AFAP1: variants seen among roughly 807,000 people sequenced by gnomAD.
AFAP1 encodes actin filament-associated protein 1.
A neutral mutation model predicts 93.9 loss-of-function variants in AFAP1; 75 were observed. The ratio of observed to expected loss-of-function variants is 0.80; its 90% CI spans 0.66 to 0.97. The LOEUF (loss-of-function observed/expected upper bound fraction) is 0.97, where lower values mean the gene tolerates loss of function less well. Among genes scored for constraint, AFAP1 ranks in the 50% least tolerant of loss-of-function variants. AFAP1 has a pLI of 0.00. For synonymous variants in AFAP1, 517 were observed against 430.7 expected (o/e 1.20, Z -2.48); for missense variants, 1,201 against 1,050.8 (o/e 1.14, Z -1.98).
At chr4:7,911,482 TCA>T (rs1260401375) in intron 1 of AFAP1, among the ~76,000 whole-genome samples, 12 of 152,224 alleles carry the variant, frequency 7.9e-5, no homozygotes, top group Non-Finnish European at 1.8e-4. Context: ...GAGCCGCTAT[TCA>T]CACAGCTCCA....
chr4:7,764,768 C>T (rs1465934473), intron 17 of AFAP1, among the ~76,000 whole-genome samples: 1 of 152,088 alleles, frequency 6.6e-6, no homozygotes, highest in Non-Finnish European at 1.5e-5. Context: ...TATGTCTGGT[C>T]TGACAACAGC....
chr4:7,780,658 TAA>T lies in AFAP1; in HGVS notation c.1782+716_1782+717del, dbSNP rs201663689. Among the ~76,000 whole-genome samples, 878 of 151,218 alleles carry T rather than the reference TAA, an allele frequency of 5.8e-3. 5 individuals carry two copies. The highest frequency in any genetic ancestry group is 0.01 in the Middle Eastern group (3 of 288). ...GAGACTTCATCTTTTTTTTTTTTTT[TAA>T]AAAGGCCTAACACCACAAAATTACT... On this transcript the variant is annotated intron_variant, in intron 13 of 17. Transcript: ENST00000420658.
intron 3 of AFAP1, among the ~76,000 whole-genome samples, chr4:7,866,438 C>T (rs1277206960): frequency 1.3e-5 from 2 of 152,186 alleles, no homozygotes; most frequent in Non-Finnish European, 2.9e-5. Flanking sequence ...TCAGGCGATC[C>T]ACCCGCCTCA....
chr4:7,930,070 C>A (rs573780326), intron 1 of AFAP1, among the ~76,000 whole-genome samples: 1 of 152,126 alleles, frequency 6.6e-6, no homozygotes, highest in Non-Finnish European at 1.5e-5. Flanking sequence ...ATTTTGTCAC[C>A]GGCAAAATGA....
At chr4:7,919,873 C>A (rs1177216604) in intron 1 of AFAP1, among the ~76,000 whole-genome samples, 1 of 152,046 alleles carries the variant, frequency 6.6e-6, no homozygotes, top group African/African-American at 2.4e-5. Flanking sequence ...TCAGCTCCCA[C>A]TTATAAGTAA....
intron 14 of AFAP1, chr4:7,777,595 G>A (rs1240336296): frequency 1.3e-5 from 2 of 152,174 alleles, no homozygotes; most frequent in South Asian, 2.1e-4. Context: ...TACCACCTGG[G>A]GCTAGCTGGC....
chr4:7,792,360 A>G (rs762367809), intron 11 of AFAP1, among the ~76,000 whole-genome samples: 1 of 152,172 alleles, frequency 6.6e-6, no homozygotes, highest in Non-Finnish European at 1.5e-5. Context: ...AAAACTGCTC[A>G]CTGACATGAC....
intron 6 of AFAP1, among the ~76,000 whole-genome samples, chr4:7,827,582 A>AAAAAAAAAAAAAAAC: frequency 6.7e-6 from 1 of 149,092 alleles, no homozygotes; most frequent in Non-Finnish European, 1.5e-5. Flanking sequence ...AAAAAAAAAA[A>AAAAAAAAAAAAAAAC]AAAAAAAAGG....
rs57050150 is a variant in AFAP1 at position 7,842,301 on chromosome 4, CAAAAAAA to C, written c.546+831_546+837del. On this transcript the variant is annotated intron_variant, in intron 5 of 17. Coordinates refer to ENST00000420658, the MANE Select transcript of AFAP1 (RefSeq NM_001134647.2). Reference sequence around the variant, plus strand: ...AATTCAAAGATGAAACCTGGATTTACAAAAAAAAAAAAAAAAAAAAAGATAAAAAAAG... The same window carrying C: ...AATTCAAAGATGAAACCTGGATTTACAAAAAAAAAAAAAAGATAAAAAAAG... Among the ~76,000 whole-genome samples the C allele has an allele frequency of 6.7e-4, 64 of 94,862 alleles. No homozygotes were observed. The South Asian group carries it at 0.013, about 19-fold the overall frequency. 62.2% of individuals were successfully genotyped at this position (94,862 alleles called of 152,430 possible).
intron 1 of AFAP1, among the ~76,000 whole-genome samples, chr4:7,893,327 T>C (rs570656071): frequency 6.6e-6 from 1 of 152,310 alleles, no homozygotes; most frequent in East Asian, 1.9e-4. Context: ...ACGCCTGTAA[T>C]CCCAACACTT....
rs140824807 is a variant in AFAP1 at position 7,762,414 on chromosome 4, C to A, written c.*1351G>T. ...GGACTGGTCTCCATGAATCTGCCTG[C>A]GGAGGCGTTCAGGGGTGACTTATTT... On this transcript the variant is annotated 3_prime_UTR_variant, in exon 18 of 18. Transcript: ENST00000420658. 6.6e-6 allele frequency: 1 copy of A among 152,328 alleles called. No individual in the cohort carries two copies. Among genetic ancestry groups the A allele is most frequent in the East Asian group, 1.9e-4 (1 of 5,184 alleles). 9.4% of individuals were successfully genotyped at this position (152,328 alleles called of 1,614,324 possible). A position where few individuals can be genotyped will look rare whatever the true frequency, so the allele number is the denominator to read the frequency against.
chr4:7,873,813 G>A (rs1388730181), intron 1 of AFAP1, among the ~76,000 whole-genome samples: 1 of 152,186 alleles, frequency 6.6e-6, no homozygotes, highest in Non-Finnish European at 1.5e-5. Context: ...TTACTGGAGA[G>A]AGTGAATGAC....
chr4:7,786,469 T>C (rs1389708639), intron 11 of AFAP1, among the ~76,000 whole-genome samples, 158 bp from the exon 12 acceptor site: 1 of 152,200 alleles, frequency 6.6e-6, no homozygotes, highest in East Asian at 1.9e-4. Flanking sequence ...AATGAGATGA[T>C]GCGCTGGAGG....
At chr4:7,801,517 G>T (rs1719027784) in intron 9 of AFAP1, among the ~76,000 whole-genome samples, 1 of 151,720 alleles carries the variant, frequency 6.6e-6, no homozygotes, top group South Asian at 2.1e-4. Flanking sequence ...GAAATAACAA[G>T]ACATGAAAAA....
intron 1 of AFAP1, among the ~76,000 whole-genome samples, chr4:7,917,660 C>T (rs1560235419): frequency 6.6e-6 from 1 of 152,196 alleles, no homozygotes; most frequent in Non-Finnish European, 1.5e-5. Context: ...CCTCTCACTA[C>T]AACTCAACAC....
intron 3 of AFAP1, among the ~76,000 whole-genome samples, chr4:7,863,306 C>A (rs1715960580): frequency 6.6e-6 from 1 of 152,072 alleles, no homozygotes; most frequent in Admixed American, 6.5e-5. Flanking sequence ...GTAGTCTCAG[C>A]TACTTGGGAG....
At chr4:7,935,363 C>T (rs1278788217) in intron 1 of AFAP1, among the ~76,000 whole-genome samples, 1 of 152,134 alleles carries the variant, frequency 6.6e-6, no homozygotes, top group African/African-American at 2.4e-5. Flanking sequence ...AATTCCAGTC[C>T]TCTGCTAAAA....
At chr4:7,821,657 C>T (rs1406329867) in intron 6 of AFAP1, among the ~76,000 whole-genome samples, 1 of 152,184 alleles carries the variant, frequency 6.6e-6, no homozygotes, top group Non-Finnish European at 1.5e-5. Flanking sequence ...GACTAAGCTG[C>T]AATTTCAGTT....
At chr4:7,842,190 A>G (rs996450671) in intron 5 of AFAP1, among the ~76,000 whole-genome samples, 3 of 151,710 alleles carry the variant, frequency 2.0e-5, no homozygotes, top group East Asian at 1.9e-4. Flanking sequence ...TGGAAAAAAT[A>G]TGTACTCTGT....
Sources: allele counts gnomAD v4.1 joint callset (sites outside exome capture counted in the v4.1 genomes callset), GRCh38; gene constraint gnomAD v4.1.1; transcripts MANE v1.5; gene names NCBI Gene and HGNC (gene_info 2026-07-23, HGNC 2026-07-21).